USP34: variants seen among roughly 807,000 people sequenced by gnomAD.
USP34 encodes the protein ubiquitin carboxyl-terminal hydrolase 34.
Under a neutral mutation model 460.3 loss-of-function variants are expected in USP34, and 70 were observed. The observed-to-expected ratio is 0.15, with a 90% CI of 0.13 to 0.19. USP34 has a LOEUF of 0.19. USP34 is among the 10% of genes least tolerant of loss of function. The pLI is 1.00. For synonymous variants in USP34, 1,647 were observed against 1,405.3 expected (o/e 1.17, Z -3.85); for missense variants, 3,985 against 4,236.2 (o/e 0.94, Z 1.65).
chr2:61,469,607 T>G (rs907062859), intron 1 of USP34, among the ~76,000 whole-genome samples: 4 of 152,232 alleles, frequency 2.6e-5, no homozygotes, highest in African/African-American at 9.6e-5. Context: ...CCATGGTACA[T>G]TTTATAAATC....
intron 8 of USP34, among the ~76,000 whole-genome samples, chr2:61,375,686 G>A (rs373365729): frequency 5.4e-5 from 8 of 149,140 alleles, no homozygotes; most frequent in African/African-American, 1.5e-4. Context: ...GGAGAATGGC[G>A]TGAATCTGGG....
At chr2:61,319,419 T>C in intron 21 of USP34, 92 bp from the exon 22 acceptor site, 3 of 841,804 alleles carry the variant, frequency 3.6e-6, no homozygotes, top group Non-Finnish European at 5.0e-6. Flanking sequence ...AAGTCCTCAC[T>C]TAACACAGAT....
chr2:61,246,288 A>T (rs767146223), intron 50 of USP34, 36 bp downstream of exon 50: 1 of 1,459,626 alleles, frequency 6.9e-7, no homozygotes, highest in Admixed American at 2.3e-5. Context: ...AACTACCATA[A>T]ATTGTTAAAG....
At chr2:61,258,519 A>G (rs1299678835) in intron 44 of USP34, among the ~76,000 whole-genome samples, 1 of 152,130 alleles carries the variant, frequency 6.6e-6, no homozygotes, top group Admixed American at 6.5e-5. Context: ...AAAAATGAAC[A>G]TCAGAAGAAA....
At chr2:61,407,312 C>T (rs1214368221) in intron 2 of USP34, among the ~76,000 whole-genome samples, 1 of 115,342 alleles carries the variant, frequency 8.7e-6, no homozygotes, top group African/African-American at 3.4e-5. Flanking sequence ...GAGGCTGAGA[C>T]AGCAGTGAAC....
intron 18 of USP34, among the ~76,000 whole-genome samples, chr2:61,338,526 T>C (rs1046362243): frequency 1.3e-5 from 2 of 152,252 alleles, no homozygotes; most frequent in African/African-American, 4.8e-5. Flanking sequence ...AGCACTTATT[T>C]GGTAAAATTA....
At chr2:61,254,701 A>G (rs751796343) in intron 48 of USP34, among the ~76,000 whole-genome samples, 7 of 152,230 alleles carry the variant, frequency 4.6e-5, no homozygotes, top group Non-Finnish European at 8.8e-5. Flanking sequence ...CATGCCTGTA[A>G]TATCAGCATT....
intron 41 of USP34, among the ~76,000 whole-genome samples, chr2:61,270,934 T>C (rs1233397853): frequency 6.6e-6 from 1 of 152,226 alleles, no homozygotes; most frequent in Non-Finnish European, 1.5e-5. Flanking sequence ...TTTACTCATA[T>C]TCTTTCCTAT....
rs953352306 is a variant in USP34, at chr2:61,270,795, T to C, written c.5434-4628A>G. On this transcript the variant is annotated intron_variant, in intron 41 of 79. Coordinates refer to ENST00000398571, the MANE Select transcript of USP34 (RefSeq NM_014709.4). Reference sequence around the variant, plus strand: ...GACTAAGACAATAATGCTTTCATTTTATATATAAAAATAATTTCCTGTGCC... The same window carrying C: ...GACTAAGACAATAATGCTTTCATTTCATATATAAAAATAATTTCCTGTGCC... 2.8e-4 allele frequency among the ~76,000 whole-genome samples: 43 copies of C among 152,266 alleles called. 1 individual carries two copies. Among genetic ancestry groups the C allele is most frequent in the Admixed American group, 1.8e-3 (28 of 15,290 alleles).
intron 1 of USP34, among the ~76,000 whole-genome samples, chr2:61,441,975 T>A (rs1001739548): frequency 1.3e-5 from 2 of 152,006 alleles, no homozygotes; most frequent in African/African-American, 4.8e-5. Context: ...AATACACGTA[T>A]CTACAGTCAA....
At chr2:61,228,296 A>G (rs1055171568) in intron 61 of USP34, among the ~76,000 whole-genome samples, 8 of 152,202 alleles carry the variant, frequency 5.3e-5, no homozygotes, top group Admixed American at 2.0e-4. Context: ...TAAATTTTGG[A>G]AAGACTCTCA....
rs1381153869 is a variant in USP34, at chr2:61,188,012, C to A, written c.*90G>T. On this transcript the variant is annotated 3_prime_UTR_variant, in exon 80 of 80. Coordinates refer to ENST00000398571, the MANE Select transcript of USP34 (RefSeq NM_014709.4). ...ATTCAAGCAGAGAGCACTGGACAAA[C>A]TGAAGCACAAAAACAAATAAGCAAA... The A allele has an allele frequency of 6.6e-7, 1 of 1,517,602 alleles. No individual in the cohort carries two copies. Among genetic ancestry groups the A allele is most frequent in the Admixed American group, 2.3e-5 (1 of 44,278 alleles). 94.0% of individuals were successfully genotyped at this position (1,517,602 alleles called of 1,614,324 possible).
chr2:61,247,364 G>A (rs1296090959), intron 49 of USP34, among the ~76,000 whole-genome samples: 2 of 152,178 alleles, frequency 1.3e-5, no homozygotes, highest in African/African-American at 4.8e-5. Flanking sequence ...AGTGGCTGAG[G>A]AGTGTAGATA....
chr2:61,413,947 T>TA lies in USP34; in HGVS notation c.131+6798dup, dbSNP rs1280035635. Reference sequence around the variant, plus strand: ...TCAGTCTCAAAAAAATTAAAAAAATTAAAAAAATTAAAAATAAAAAAACAA... The same window carrying TA: ...TCAGTCTCAAAAAAATTAAAAAAATTAAAAAAAATTAAAAATAAAAAAACAA... On this transcript the variant is annotated intron_variant, in intron 2 of 79. Transcript: ENST00000398571. Among the ~76,000 whole-genome samples the TA allele has an allele frequency of 2.1e-5, 3 of 146,098 alleles. No homozygotes were observed. In the Admixed American group the frequency reaches 2.1e-4, roughly 10 times the overall value.
At chr2:61,193,751 T>C (rs1307675987) in intron 75 of USP34, among the ~76,000 whole-genome samples, 1 of 152,182 alleles carries the variant, frequency 6.6e-6, no homozygotes, top group Admixed American at 6.5e-5. Context: ...AGAAGAAATA[T>C]AACACAGACC....
intron 1 of USP34, among the ~76,000 whole-genome samples, chr2:61,437,043 G>A (rs905463795): frequency 2.6e-5 from 4 of 152,136 alleles, no homozygotes; most frequent in Non-Finnish European, 4.4e-5. Flanking sequence ...CAGCAAAAGC[G>A]GTGCACTGCT....
At position 61,308,206 on chromosome 2, in the gene USP34, T is replaced by C. The variant is rs776312459; in HGVS notation, c.3817+3334A>G. The stretch of plus-strand genomic sequence containing the variant: ...ATGGGACAAACAGAAAATATTTACA[T>C]TGAATGCAAATAATCTAAACACTAA... On this transcript the variant is annotated intron_variant, in intron 27 of 79. Coordinates refer to ENST00000398571, the MANE Select transcript of USP34 (RefSeq NM_014709.4). Among the ~76,000 whole-genome samples, 6 of 152,040 alleles carry C rather than the reference T, an allele frequency of 3.9e-5. No homozygotes were observed. The South Asian group carries it at 6.2e-4, about 16-fold the overall frequency.
chr2:61,269,912 T>C lies in USP34; in HGVS notation c.5434-3745A>G, dbSNP rs576557716. On this transcript the variant is annotated intron_variant, in intron 41 of 79. Transcript: ENST00000398571. ...TTCAAGCATTTATCATTTCTTTTATTGGGAATATTTCAAATCCTCCCTTTT... is the reference window on the plus strand; with the variant it reads ...TTCAAGCATTTATCATTTCTTTTATCGGGAATATTTCAAATCCTCCCTTTT... 2.0e-3 allele frequency among the ~76,000 whole-genome samples: 301 copies of C among 152,270 alleles called. 1 individual carries two copies. Among genetic ancestry groups the C allele is most frequent in the Admixed American group, 3.0e-3 (46 of 15,278 alleles).
At chr2:61,238,631 T>C (rs1688141123) in intron 53 of USP34, among the ~76,000 whole-genome samples, 1 of 152,236 alleles carries the variant, frequency 6.6e-6, no homozygotes, top group Non-Finnish European at 1.5e-5. Context: ...TCTAAAACCA[T>C]ATTAATATTC....
Sources: gnomAD v4.1 joint callset for allele counts (sites outside exome capture counted in the v4.1 genomes callset) on GRCh38, gnomAD v4.1.1 for gene constraint, MANE v1.5 for transcripts, NCBI Gene and HGNC (gene_info 2026-07-23, HGNC 2026-07-21) for gene names.